The following TNRC6B variants were observed in gnomAD, a reference collection of about 807,000 sequenced individuals.
TNRC6B encodes the protein trinucleotide repeat containing adaptor 6B.
TNRC6B carries 52 observed loss-of-function variants against 203.6 expected under a neutral mutation model. The ratio of observed to expected loss-of-function variants is 0.26; its 90% confidence interval spans 0.20 to 0.32. The LOEUF (loss-of-function observed/expected upper bound fraction) is 0.32. Among genes scored for constraint, TNRC6B ranks in the 10% least tolerant of loss-of-function variants. The probability of loss-of-function intolerance (pLI) is 1.00; values close to 1 mark genes in which losing one functional copy is unlikely to be tolerated. For synonymous variants in TNRC6B, 838 were observed against 845.7 expected (o/e 0.99, Z 0.16); for missense variants, 1,923 against 2,286.2 (o/e 0.84, Z 3.24).
intron 1 of TNRC6B, among the ~76,000 whole-genome samples, chr22:40,100,119 C>G (rs1024588334): frequency 1.3e-5 from 2 of 150,758 alleles, no homozygotes; most frequent in South Asian, 4.2e-4. Context: ...GAGACAGGGT[C>G]TCTCTTGCCC....
rs2071168278 is a variant in TNRC6B, at chr22:40,310,848, A to C, written c.4290A>C (p.Gly1430=). ...TAGTGGCCCCTGGTAAAACCCGGGG[A>C]GGGTCACCGTACAACCAGTTTGATA... ...GAIVAPGKTR[G]GSPYNQFDII... The change falls in exon 17 of 23, where the codon GGA becomes GGC. Residue 1430 remains glycine, a synonymous_variant. Coordinates refer to ENST00000454349, the MANE Select transcript of TNRC6B (RefSeq NM_001162501.2). 1 of 1,612,756 alleles carries C rather than the reference A, an allele frequency of 6.2e-7. No homozygotes were observed. Among genetic ancestry groups the C allele is most frequent in the South Asian group, 1.1e-5 (1 of 90,772 alleles).
intron 1 of TNRC6B, among the ~76,000 whole-genome samples, chr22:40,067,763 A>G (rs1482885558): frequency 6.6e-6 from 1 of 152,146 alleles, no homozygotes; most frequent in Non-Finnish European, 1.5e-5. Flanking sequence ...GGGTTTTTCC[A>G]TTCAGGCCCC....
intron 3 of TNRC6B, among the ~76,000 whole-genome samples, chr22:40,152,836 C>T (rs777961890): frequency 2.8e-4 from 42 of 151,780 alleles, no homozygotes; most frequent in Admixed American, 5.9e-4. Context: ...TGTGGTGGCT[C>T]ACACCTATAA....
intron 9 of TNRC6B, 117 bp downstream of exon 9, chr22:40,278,161 TACTC>T: frequency 1.3e-6 from 1 of 794,110 alleles, no homozygotes; most frequent in Non-Finnish European, 2.2e-6. Flanking sequence ...ATTGAGCACT[TACTC>T]TTTGTAAGGT....
intron 2 of TNRC6B, among the ~76,000 whole-genome samples, chr22:40,122,388 T>C (rs551365498): frequency 2.2e-4 from 34 of 151,602 alleles, no homozygotes; most frequent in Non-Finnish European, 4.7e-4. Context: ...TATTGGAGAA[T>C]GTGACACATC....
chr22:40,196,337 T>C (rs2069337191), intron 1 of TNRC6B, among the ~76,000 whole-genome samples: 1 of 150,682 alleles, frequency 6.6e-6, no homozygotes. Flanking sequence ...AGGTGGGGCT[T>C]TCTAATGGAT....
At chr22:40,082,858 AT>A in intron 1 of TNRC6B, among the ~76,000 whole-genome samples, 1 of 152,276 alleles carries the variant, frequency 6.6e-6, no homozygotes, top group Middle Eastern at 3.4e-3. Flanking sequence ...ATTTACTGAG[AT>A]TTACTCAAGT....
chr22:40,142,222 C>T (rs1393150455), intron 3 of TNRC6B, among the ~76,000 whole-genome samples: 1 of 127,608 alleles, frequency 7.8e-6, no homozygotes, highest in Non-Finnish European at 1.6e-5. Context: ...CCACGCCTAG[C>T]TAATTTTTTT....
chr22:40,289,594 C>CATCT (rs2070841451), intron 12 of TNRC6B, among the ~76,000 whole-genome samples: 1 of 152,170 alleles, frequency 6.6e-6, no homozygotes, highest in Non-Finnish European at 1.5e-5. Context: ...ACTGGTTCTC[C>CATCT]ATCTGCCTCT....
At chr22:40,154,927 C>G in intron 3 of TNRC6B, among the ~76,000 whole-genome samples, 1 of 115,610 alleles carries the variant, frequency 8.6e-6, no homozygotes, top group South Asian at 3.0e-4. Flanking sequence ...TCAATTTGCT[C>G]TAAAATATAT....
rs145653088 is a variant in TNRC6B at position 40,315,256 on chromosome 22, T to C, written c.4679-27T>C. The stretch of plus-strand genomic sequence containing the variant: ...ACAAAAGTGAACCGTCTAACCTTAT[T>C]CCTTCCTTAATTTTCTCTTCTTACA... On this transcript the variant is annotated intron_variant, in intron 19 of 22. Transcript: ENST00000454349. 3.1e-3 allele frequency: 4,984 copies of C among 1,594,118 alleles called. 12 individuals carry two copies. Among genetic ancestry groups the C allele is most frequent in the Non-Finnish European group, 3.5e-3 (4,051 of 1,162,272 alleles).
rs575108207 is a variant in TNRC6B, at chr22:40,184,112, G to GT, written c.5+5978dup. 4.6e-5 allele frequency among the ~76,000 whole-genome samples: 7 copies of GT among 152,288 alleles called. No homozygotes were observed. In the East Asian group the frequency reaches 1.2e-3, roughly 25 times the overall value. On this transcript the variant is annotated intron_variant, in intron 1 of 22. Transcript: ENST00000454349. Reference sequence around the variant, plus strand: ...CTTTCATTCATTGACGTTGGAATTTGTTTTTTAAAAAACTTAGAAAATGAT... The same window carrying GT: ...CTTTCATTCATTGACGTTGGAATTTGTTTTTTTAAAAAACTTAGAAAATGAT...
At chr22:40,094,556 GA>G (rs1409799575) in intron 1 of TNRC6B, among the ~76,000 whole-genome samples, 4 of 152,202 alleles carry the variant, frequency 2.6e-5, no homozygotes, top group Non-Finnish European at 5.9e-5. Flanking sequence ...CCCATGGCTG[GA>G]GAGTTTTGTG....
In TNRC6B at chr22:40,265,525, C is replaced by T. The variant is rs2070465296; in HGVS notation, c.1295C>T (p.Ser432Phe). 6.2e-7 allele frequency: 1 copy of T among 1,613,736 alleles called. No homozygotes were observed. Among genetic ancestry groups the T allele is most frequent in the African/African-American group, 1.3e-5 (1 of 74,870 alleles). Residue 432 changes from serine to phenylalanine, a missense_variant, in exon 5 of 23, where the codon TCT (serine) becomes TTT (phenylalanine). By Grantham distance (155) the Ser-to-Phe change is radical (BLOSUM62 -2). Coordinates refer to ENST00000454349, the MANE Select transcript of TNRC6B (RefSeq NM_001162501.2). ...VGSWGAARGP[S>F]GTDTVSGQSN... is the part of the protein sequence containing the mutation. Reference sequence around the variant, plus strand: ...TCTTGGGGTGCAGCTAGGGGGCCTTCTGGAACTGACACAGTCTCTGGACAA... The same window carrying T: ...TCTTGGGGTGCAGCTAGGGGGCCTTTTGGAACTGACACAGTCTCTGGACAA...
intron 3 of TNRC6B, among the ~76,000 whole-genome samples, chr22:40,147,640 A>G (rs2068707165): frequency 1.3e-5 from 2 of 152,224 alleles, no homozygotes; most frequent in Admixed American, 6.5e-5. Flanking sequence ...GCGTGAATTT[A>G]TGCAGGCAGA....
At chr22:40,143,720 TCTC>T (rs2068665822) in intron 3 of TNRC6B, among the ~76,000 whole-genome samples, 1 of 152,138 alleles carries the variant, frequency 6.6e-6, no homozygotes, top group African/African-American at 2.4e-5. Context: ...ATGGTCTCGA[TCTC>T]CTGACCTCGT....
At position 40,169,201 on chromosome 22, in the gene TNRC6B, G is replaced by C. The variant is rs369240093; in HGVS notation, c.113+13019G>C. Among the ~76,000 whole-genome samples the C allele has an allele frequency of 2.0e-5, 3 of 148,092 alleles. No individual in the cohort carries two copies. In the South Asian group the frequency reaches 6.4e-4, roughly 31 times the overall value. On this transcript the variant is annotated intron_variant, in intron 4 of 23. Coordinates refer to the TNRC6B transcript ENST00000301923. ...GGCTGGAGTGCAGTGGCATGATCTC[G>C]GGTTACTGCAATCTCTGCCTCCCGG...
chr22:40,296,818 G>C, intron 12 of TNRC6B, among the ~76,000 whole-genome samples: 1 of 152,140 alleles, frequency 6.6e-6, no homozygotes, highest in East Asian at 1.9e-4. Context: ...AGTAGAGAGA[G>C]GGTTTTGCCA....
At chr22:40,276,612 T>C (rs907573925) in intron 7 of TNRC6B, among the ~76,000 whole-genome samples, 1 of 152,234 alleles carries the variant, frequency 6.6e-6, no homozygotes, top group Non-Finnish European at 1.5e-5. Flanking sequence ...TCTTTTATGC[T>C]GTGAAACAAA....
Sources: gnomAD v4.1 joint callset for allele counts (sites outside exome capture counted in the v4.1 genomes callset) on GRCh38, gnomAD v4.1.1 for gene constraint, MANE v1.5 for transcripts, NCBI Gene and HGNC (gene_info 2026-07-23, HGNC 2026-07-21) for gene names.